The following BCAS3 variants were observed in gnomAD, a reference collection of about 807,000 sequenced individuals.
BCAS3 encodes the protein BCAS3 microtubule associated cell migration factor.
Under a neutral mutation model 116.1 loss-of-function variants are expected in BCAS3, and 53 were observed. That is an observed-to-expected ratio of 0.46 (90% CI 0.37 to 0.57). BCAS3 has a LOEUF of 0.57. BCAS3 is among the 20% of genes least tolerant of loss of function. The pLI is 0.00. For missense variants in BCAS3, 917 were observed against 1,165.4 expected (o/e 0.79, Z 3.10); for synonymous variants, 391 against 408.2 (o/e 0.96, Z 0.51).
intron 6 of BCAS3, among the ~76,000 whole-genome samples, chr17:60,765,728 A>G (rs2044024727): frequency 6.6e-6 from 1 of 152,014 alleles, no homozygotes; most frequent in South Asian, 2.1e-4. Flanking sequence ...CTGAATTTGA[A>G]TGTTGGCCTG....
chr17:61,160,687 T>C (rs1454682308), intron 22 of BCAS3, among the ~76,000 whole-genome samples: 1 of 152,120 alleles, frequency 6.6e-6, no homozygotes, highest in African/African-American at 2.4e-5. Context: ...CTCCAAAATA[T>C]AAAAAAGGTC....
intron 7 of BCAS3, among the ~76,000 whole-genome samples, chr17:60,841,908 T>C (rs2051972249): frequency 6.6e-6 from 1 of 152,014 alleles, no homozygotes; most frequent in Non-Finnish European, 1.5e-5. Flanking sequence ...TCTCTAGTGA[T>C]GGTGTTTGGG....
intron 12 of BCAS3, among the ~76,000 whole-genome samples, chr17:60,918,779 G>A (rs146586844): frequency 2.0e-5 from 3 of 148,188 alleles, no homozygotes; most frequent in Admixed American, 6.8e-5. Context: ...TGCAAGCTCC[G>A]CATCCCGGGT....
chr17:61,327,075 G>A lies in BCAS3; in HGVS notation c.2426-41252G>A, dbSNP rs2055792547. ...AATCCCAGCACTTTGGGAGGCCGAG[G>A]TAGGCAGATCATGAGGTCAAGAGAT... On this transcript the variant is annotated intron_variant, in intron 22 of 23. Coordinates refer to ENST00000407086, the MANE Select transcript of BCAS3 (RefSeq NM_017679.5). This position sits in a 1 kb window ranked among gnomAD's most constrained non-coding sequence, Gnocchi z 5.9. Among the ~76,000 whole-genome samples, 7 of 152,308 alleles carry A rather than the reference G, an allele frequency of 4.6e-5. No homozygotes were observed. In the South Asian group the frequency reaches 1.5e-3, roughly 32 times the overall value.
rs924411273 is a variant in BCAS3 at position 61,098,143 on chromosome 17, G to A, written c.2425+13579G>A. On this transcript the variant is annotated intron_variant, in intron 22 of 23. Transcript: ENST00000407086. This position sits in a 1 kb window ranked among gnomAD's most constrained non-coding sequence, Gnocchi z 4.2. ...TATCATGGATATAAATGGTGCTGGAGGGTCCTTCTTGCATAGAGAGGTAAT... is the reference window on the plus strand; with the variant it reads ...TATCATGGATATAAATGGTGCTGGAAGGTCCTTCTTGCATAGAGAGGTAAT... Among the ~76,000 whole-genome samples the A allele has an allele frequency of 6.6e-6, 1 of 152,176 alleles. No individual in the cohort carries two copies. Among genetic ancestry groups the A allele is most frequent in the Non-Finnish European group, 1.5e-5 (1 of 68,030 alleles).
chr17:60,909,803 A>G (rs1200110713), intron 11 of BCAS3, among the ~76,000 whole-genome samples: 1 of 152,174 alleles, frequency 6.6e-6, no homozygotes, highest in Non-Finnish European at 1.5e-5. Context: ...TTTTACTTAT[A>G]TGTTTTGAAT....
In BCAS3 at chr17:61,376,686, A is replaced by G. The variant is rs1159183243; in HGVS notation, c.2593+8192A>G. 6.6e-6 allele frequency among the ~76,000 whole-genome samples: 1 copy of G among 152,130 alleles called. No individual in the cohort carries two copies. Among genetic ancestry groups the G allele is most frequent in the Non-Finnish European group, 1.5e-5 (1 of 68,030 alleles). On this transcript the variant is annotated intron_variant, in intron 23 of 23. Transcript: ENST00000407086. The surrounding 1 kb of genome is among the most constrained non-coding windows in gnomAD (Gnocchi z 4.5). ...CTGGCTTGGTCTGGCTCTCTTGCCA[A>G]AGTCTCTAGGCTTCTCTGGGTAATA...
At chr17:60,735,111 T>C (rs1443542430) in intron 5 of BCAS3, among the ~76,000 whole-genome samples, 1 of 152,198 alleles carries the variant, frequency 6.6e-6, no homozygotes, top group African/African-American at 2.4e-5. Flanking sequence ...ATTTTTAAAT[T>C]TCAAATTCCA....
chr17:60,824,581 C>T (rs955523203), intron 7 of BCAS3, among the ~76,000 whole-genome samples: 2 of 152,160 alleles, frequency 1.3e-5, no homozygotes, highest in Non-Finnish European at 2.9e-5. Flanking sequence ...AGAGTGAATC[C>T]TACATGACTT....
rs2081188591 is a variant in BCAS3 at position 61,207,106 on chromosome 17, C to T, written c.2425+122542C>T. On this transcript the variant is annotated intron_variant, in intron 22 of 23. Coordinates refer to ENST00000407086, the MANE Select transcript of BCAS3 (RefSeq NM_017679.5). ...TAGCACCTTTTCGAAGTTTTCTTCA[C>T]ATGAACTCTTGCAGTGTGCCAAGGA... Among the ~76,000 whole-genome samples, 3 of 152,106 alleles carry T rather than the reference C, an allele frequency of 2.0e-5. No homozygotes were observed. In the South Asian group the frequency reaches 6.2e-4, roughly 32 times the overall value.
At chr17:60,698,204 A>G (rs2035890167) in intron 4 of BCAS3, among the ~76,000 whole-genome samples, 1 of 151,580 alleles carries the variant, frequency 6.6e-6, no homozygotes, top group African/African-American at 2.4e-5. Context: ...AAAAAAAAAA[A>G]AGAGCAGCAG....
chr17:61,355,545 G>A lies in BCAS3; in HGVS notation c.2426-12782G>A, dbSNP rs1433821858. Among the ~76,000 whole-genome samples the A allele has an allele frequency of 6.6e-6, 1 of 152,152 alleles. No individual in the cohort carries two copies. The highest frequency in any genetic ancestry group is 1.5e-5 in the Non-Finnish European group (1 of 68,044). ...AGGCTTTGGAGCCAAATGAACCTAGGATCCTAATCCTGACTGTACCCTTGA... is the reference window on the plus strand; with the variant it reads ...AGGCTTTGGAGCCAAATGAACCTAGAATCCTAATCCTGACTGTACCCTTGA... On this transcript the variant is annotated intron_variant, in intron 22 of 23. Transcript: ENST00000407086. The surrounding 1 kb of genome is among the most constrained non-coding windows in gnomAD (Gnocchi z 4.2).
chr17:60,833,493 C>T (rs915373861), intron 7 of BCAS3, among the ~76,000 whole-genome samples: 5 of 152,174 alleles, frequency 3.3e-5, no homozygotes, highest in African/African-American at 1.2e-4. Flanking sequence ...GTCAGAAACT[C>T]ACAGTTGCTG....
chr17:60,785,227 C>T (rs529019386), intron 6 of BCAS3, among the ~76,000 whole-genome samples: 2 of 152,200 alleles, frequency 1.3e-5, no homozygotes, highest in South Asian at 2.1e-4. Flanking sequence ...GGTGCGATCT[C>T]GGCTCACTGA....
In BCAS3 at chr17:60,923,083, A is replaced by C. The variant is rs1482416697; in HGVS notation, c.994-1324A>C. Among the ~76,000 whole-genome samples the C allele has an allele frequency of 1.3e-5, 2 of 152,224 alleles. 1 individual carries two copies. The highest frequency in any genetic ancestry group is 2.9e-5 in the Non-Finnish European group (2 of 68,030). ...GCAAGACTAATGAAGCAAATAATAA[A>C]GATCTGGATAGAAGCTGATGGAACA... is the stretch of plus-strand genomic sequence containing the variant. On this transcript the variant is annotated intron_variant, in intron 12 of 23. Transcript: ENST00000407086.
intron 5 of BCAS3, among the ~76,000 whole-genome samples, chr17:60,723,571 A>G (rs913528698): frequency 6.6e-6 from 1 of 152,246 alleles, no homozygotes; most frequent in Admixed American, 6.5e-5. Flanking sequence ...ACAAATAAAT[A>G]TATAGCCATA....
At chr17:61,044,831 G>A (rs543298978) in intron 19 of BCAS3, among the ~76,000 whole-genome samples, 19 of 150,454 alleles carry the variant, frequency 1.3e-4, no homozygotes, top group Admixed American at 1.3e-3. Flanking sequence ...GAGTGCAGTA[G>A]CACCATCTCA....
At chr17:60,980,532 CT>C (rs745320848) in intron 14 of BCAS3, 3,039 of 127,554 alleles carry the variant, frequency 0.024, 45 homozygotes, top group African/African-American at 0.072. Flanking sequence ...TAATGGTATT[CT>C]TTTTTTTTTT....
At chr17:61,292,082 A>G (rs991450128) in intron 22 of BCAS3, among the ~76,000 whole-genome samples, 2 of 152,150 alleles carry the variant, frequency 1.3e-5, no homozygotes, top group Non-Finnish European at 2.9e-5. Flanking sequence ...CATGACTTTG[A>G]AAACCCTTGG....
Sources: gnomAD v4.1 joint callset for allele counts (sites outside exome capture counted in the v4.1 genomes callset) on GRCh38, gnomAD v4.1.1 for gene constraint, Gnocchi (gnomAD v3.1) non-coding constraint, MANE v1.5 for transcripts, NCBI Gene and HGNC (gene_info 2026-07-23, HGNC 2026-07-21) for gene names.